Variants in DCAF4 observed in about 807,000 individuals in gnomAD.
DCAF4 encodes DDB1- and CUL4-associated factor 4.
Under a neutral mutation model 60.9 loss-of-function variants are expected in DCAF4, and 37 were observed. The ratio of observed to expected loss-of-function variants is 0.61; its 90% CI spans 0.47 to 0.80. DCAF4 has a LOEUF of 0.80. Among genes scored for constraint, DCAF4 ranks in the 30% least tolerant of loss-of-function variants. The pLI, the probability that DCAF4 is intolerant of heterozygous loss-of-function variation, is 0.00. For missense variants in DCAF4, 577 were observed against 650.0 expected, an observed-to-expected ratio of 0.89 and a Z score of 1.22; for synonymous variants, 243 against 254.8, an observed-to-expected ratio of 0.95 and a Z score of 0.44.
chr14:72,959,170 G>A lies in DCAF4; in HGVS notation c.*365G>A, dbSNP rs1892669276. ...TCCAAGAGCCCATTGAAGAAGCCCA[G>A]TGATGAGACGGTGAGATGGTTTGAG... On this transcript the variant is annotated 3_prime_UTR_variant, in exon 14 of 14. Transcript: ENST00000358377. The A allele has an allele frequency of 4.0e-6, 4 of 1,000,494 alleles. No individual in the cohort carries two copies. Among genetic ancestry groups the A allele is most frequent in the South Asian group, 9.1e-5 (2 of 21,980 alleles). 62.0% of individuals were successfully genotyped at this position (1,000,494 alleles called of 1,614,324 possible).
At chr14:72,929,843 G>T in intron 1 of DCAF4, 1 of 1,425,548 alleles carries the variant, frequency 7.0e-7, no homozygotes, top group Non-Finnish European at 9.7e-7. Flanking sequence ...AGACGCCCGC[G>T]GCGGCGGCTG....
chr14:72,950,740 G>T (rs920752989), intron 8 of DCAF4, among the ~76,000 whole-genome samples: 1 of 152,096 alleles, frequency 6.6e-6, no homozygotes, highest in Non-Finnish European at 1.5e-5. Context: ...GTATCACCTG[G>T]TACCCATTCA....
Position 72,947,045 on chromosome 14 carries a change from A to G in DCAF4, c.679-97A>G, listed in dbSNP as rs1162202644. The G allele has an allele frequency of 1.5e-5, 22 of 1,481,078 alleles. 1 individual carries two copies. The highest frequency in any genetic ancestry group is 2.0e-5 in the Non-Finnish European group (21 of 1,060,574). 91.7% of individuals were successfully genotyped at this position (1,481,078 alleles called of 1,614,324 possible). ...CCATTTGAAGAGGAGCAGGACGTGA[A>G]GAGAGAAGTCACACGTCTGTGTCCC... On this transcript the variant is annotated intron_variant, in intron 7 of 13. Coordinates refer to ENST00000358377, the MANE Select transcript of DCAF4 (RefSeq NM_015604.4).
chr14:72,935,422 C>T (rs140774136), intron 1 of DCAF4, among the ~76,000 whole-genome samples: 187 of 152,246 alleles, frequency 1.2e-3, no homozygotes, highest in Non-Finnish European at 2.0e-3. Context: ...ACCCAGTGAA[C>T]TGTTGTACTT....
intron 1 of DCAF4, among the ~76,000 whole-genome samples, chr14:72,935,341 G>A (rs1405420432): frequency 6.6e-6 from 1 of 150,834 alleles, no homozygotes; most frequent in Non-Finnish European, 1.5e-5. Flanking sequence ...TGCAACCTCC[G>A]CCACCTGGGT....
intron 6 of DCAF4, 143 bp downstream of exon 6, chr14:72,943,239 T>A: frequency 2.7e-6 from 2 of 729,720 alleles, no homozygotes; most frequent in Non-Finnish European, 4.5e-6. Flanking sequence ...TGTACGATTT[T>A]AACCTGCCTG....
chr14:72,937,909 C>T, intron 1 of DCAF4, 62 bp from the exon 2 acceptor site: 8 of 1,492,268 alleles, frequency 5.4e-6, no homozygotes, highest in South Asian at 2.8e-5. Context: ...TGCCAAGAAG[C>T]AAACAGAAAA....
chr14:72,947,581 G>A (rs1442457391), intron 8 of DCAF4, among the ~76,000 whole-genome samples: 5 of 152,214 alleles, frequency 3.3e-5, no homozygotes, highest in African/African-American at 1.2e-4. Context: ...TATTCCTGCC[G>A]GAGGGCTGGT....
intron 1 of DCAF4, chr14:72,929,604 G>A: frequency 9.7e-7 from 1 of 1,032,298 alleles, no homozygotes; most frequent in South Asian, 1.3e-5. Context: ...GAGGGCAGGG[G>A]AGGGGGCTCA....
At chr14:72,953,342 A>G (rs888482079) in intron 9 of DCAF4, among the ~76,000 whole-genome samples, 10 of 152,024 alleles carry the variant, frequency 6.6e-5, no homozygotes, top group Admixed American at 5.9e-4. Flanking sequence ...GTACATGGCT[A>G]TATTTAGTTT....
At chr14:72,933,558 CAA>C (rs34401726) in intron 1 of DCAF4, among the ~76,000 whole-genome samples, 127 of 129,572 alleles carry the variant, frequency 9.8e-4, no homozygotes, top group Non-Finnish European at 8.5e-4. Flanking sequence ...GACTCCATCT[CAA>C]AAAAAAAAAA....
At chr14:72,943,313 C>G (rs890402207) in intron 6 of DCAF4, among the ~76,000 whole-genome samples, 1 of 152,226 alleles carries the variant, frequency 6.6e-6, no homozygotes, top group East Asian at 1.9e-4. Context: ...CATCACCCCC[C>G]ACTTCAGCTC....
Position 72,929,765 on chromosome 14 carries a change from C to T in DCAF4, c.-9+3222C>T, listed in dbSNP as rs533559530. 3.8e-6 allele frequency: 4 copies of T among 1,045,288 alleles called. No homozygotes were observed. The East Asian group carries it at 7.1e-5, about 19-fold the overall frequency. The allele number at this position is 1,045,288 out of a possible 1,614,324, so 64.8% of individuals were successfully genotyped here. A position where few individuals can be genotyped will look rare whatever the true frequency, so the allele number is the denominator to read the frequency against. ...AGACCTTCAGTGACTCCATGGCGCG[C>T]AGCTCGTACGAAGCGAAGCCACACA... On this transcript the variant is annotated intron_variant, in intron 1 of 13. Transcript: ENST00000358377.
chr14:72,940,134 G>C (rs1331662297), intron 3 of DCAF4, 86 bp from the exon 4 acceptor site: 3 of 1,542,140 alleles, frequency 1.9e-6, no homozygotes, highest in Non-Finnish European at 2.7e-6. Context: ...GCAGCCACGA[G>C]GTGGGGGGAC....
At chr14:72,928,187 C>CCTTTTTTTTTTTTT (rs1887905037) in intron 1 of DCAF4, among the ~76,000 whole-genome samples, 1 of 67,256 alleles carries the variant, frequency 1.5e-5, no homozygotes, top group African/African-American at 6.6e-5. Flanking sequence ...AATCCCCCCA[C>CCTTTTTTTTTTTTT]TTTTTTTTTT....
Position 72,939,854 on chromosome 14 carries a change from G to C in DCAF4, c.145G>C (p.Glu49Gln), listed in dbSNP as rs554056015. ...PAHDSGHGDDESPSTSSGTAG... is the reference protein window; with the variant it reads ...PAHDSGHGDDQSPSTSSGTAG... ...TCACGATTCCGGCCACGGTGATGAC[G>C]AGTCTCCGTCAACCTCGTCTGGCAC... Residue 49 changes from glutamate to glutamine, a missense_variant, in exon 3 of 14, where the codon GAG (glutamate) becomes CAG (glutamine). Transcript: ENST00000358377. The C allele has an allele frequency of 6.2e-7, 1 of 1,612,856 alleles. No individual in the cohort carries two copies. The highest frequency in any genetic ancestry group is 8.5e-7 in the Non-Finnish European group (1 of 1,179,508).
intron 7 of DCAF4, 128 bp downstream of exon 7, chr14:72,946,155 A>AT: frequency 8.2e-7 from 1 of 1,212,168 alleles, no homozygotes; most frequent in Non-Finnish European, 1.1e-6. Flanking sequence ...ATAAGACTTG[A>AT]TTTTTTACTT....
intron 5 of DCAF4, chr14:72,942,321 T>A (rs960815012): frequency 2.6e-5 from 4 of 155,904 alleles, no homozygotes; most frequent in African/African-American, 9.7e-5. Flanking sequence ...CAGAGTGGAG[T>A]GATTTGCTCA....
chr14:72,933,197 C>A (rs895365917), intron 1 of DCAF4, among the ~76,000 whole-genome samples: 4 of 152,192 alleles, frequency 2.6e-5, no homozygotes, highest in African/African-American at 9.7e-5. Flanking sequence ...TGCCAGATGT[C>A]CCCTGGTGGG....
Sources: allele counts gnomAD v4.1 joint callset (sites outside exome capture counted in the v4.1 genomes callset), GRCh38; gene constraint gnomAD v4.1.1; transcripts MANE v1.5; gene names NCBI Gene and HGNC (gene_info 2026-07-23, HGNC 2026-07-21).